The following PLEKHG1 variants were observed in gnomAD, a reference collection of about 807,000 sequenced individuals.
PLEKHG1 encodes the protein pleckstrin homology and RhoGEF domain containing G1, also known as pleckstrin homology domain-containing family G member 1.
Under a neutral mutation model 100.8 loss-of-function variants are expected in PLEKHG1, and 44 were observed. That is an observed-to-expected ratio of 0.44 (90% CI 0.34 to 0.56). PLEKHG1 has a LOEUF of 0.56. Ranked by LOEUF, PLEKHG1 falls within the 20% of genes least tolerant of loss-of-function variation. PLEKHG1 has a pLI of 0.01. For missense variants in PLEKHG1, 1,545 were observed against 1,720.9 expected (o/e 0.90, Z 1.81); for synonymous variants, 640 against 662.5 (o/e 0.97, Z 0.52).
At chr6:150,622,435 C>T (rs2128557705) in intron 1 of PLEKHG1, among the ~76,000 whole-genome samples, 1 of 152,180 alleles carries the variant, frequency 6.6e-6, no homozygotes, top group Middle Eastern at 3.4e-3. Flanking sequence ...TGCCTGTACC[C>T]CATTCCCCAT....
chr6:150,640,249 T>C (rs1247957939), intron 2 of PLEKHG1, among the ~76,000 whole-genome samples: 1 of 152,258 alleles, frequency 6.6e-6, no homozygotes, highest in Non-Finnish European at 1.5e-5. Flanking sequence ...CTCTCCTAAA[T>C]GACTTAATTA....
At chr6:150,623,604 G>A (rs543810932) in intron 1 of PLEKHG1, among the ~76,000 whole-genome samples, 8 of 152,334 alleles carry the variant, frequency 5.3e-5, no homozygotes, top group East Asian at 3.9e-4. Context: ...GCCCTTGCGC[G>A]TACTGCAAAC....
intron 14 of PLEKHG1, chr6:150,827,998 G>C: frequency 1.2e-6 from 2 of 1,612,984 alleles, no homozygotes; most frequent in Non-Finnish European, 1.7e-6. Context: ...GCTGGCGAGG[G>C]CTTGTGGGTC....
rs182914466 is a variant in PLEKHG1, at chr6:150,640,616, C to T, written c.-158+2491C>T. Among the ~76,000 whole-genome samples, 19 of 152,268 alleles carry T rather than the reference C, an allele frequency of 1.2e-4. No homozygotes were observed. In the East Asian group the frequency reaches 2.1e-3, roughly 17 times the overall value. ...AACCCTGCTTGGAATACCCACACCA[C>T]GCTAGCTCTTTCTACTTCCCTCCTC... On this transcript the variant is annotated intron_variant, in intron 2 of 3. Coordinates refer to the PLEKHG1 transcript ENST00000367326.
intron 3 of PLEKHG1, among the ~76,000 whole-genome samples, chr6:150,712,898 G>C (rs568995380): frequency 4.3e-4 from 65 of 152,166 alleles, no homozygotes; most frequent in Non-Finnish European, 6.6e-4. Context: ...TTTAATTGAA[G>C]GACAGTTTGA....
intron 1 of PLEKHG1, among the ~76,000 whole-genome samples, chr6:150,603,080 AAAAAAAAAAAAAAT>A (rs1431863572): frequency 2.2e-5 from 1 of 46,508 alleles, no homozygotes; most frequent in Non-Finnish European, 5.5e-5. Context: ...ACTCCGTCTC[AAAAAAAAAAAAAAT>A]AAAAAAAAAG....
At chr6:150,709,643 A>G (rs1231172170) in intron 3 of PLEKHG1, among the ~76,000 whole-genome samples, 1 of 152,228 alleles carries the variant, frequency 6.6e-6, no homozygotes, top group Admixed American at 6.5e-5. Flanking sequence ...TGCCTTGTCC[A>G]AGAAGATAAA....
rs192110486 is a variant in PLEKHG1 at position 150,734,001 on chromosome 6, C to T, written c.320C>T (p.Thr107Met). ...CCCAAGACGATCGCAGACTCGGCCA[C>T]GAGCCCCAAGCTCCTCTATGTGGAT... is the stretch of plus-strand genomic sequence containing the variant. Residue 107 changes from threonine (T) to methionine (M), a missense_variant, in exon 2 of 16, where the codon ACG (threonine) becomes ATG (methionine). By Grantham distance (81) the Thr-to-Met change is moderately conservative. Transcript: ENST00000358517. 3.8e-5 allele frequency: 61 copies of T among 1,614,124 alleles called. No homozygotes were observed. In the East Asian group the frequency reaches 4.9e-4, roughly 13 times the overall value.
At chr6:150,697,928 T>G (rs1780610873) in intron 3 of PLEKHG1, among the ~76,000 whole-genome samples, 1 of 5,914 alleles carries the variant, frequency 1.7e-4, no homozygotes, top group South Asian at 2.6e-3. Context: ...CAGTGGTGTT[T>G]TTTTTTTTTT....
chr6:150,813,472 G>T (rs960405470), intron 10 of PLEKHG1, among the ~76,000 whole-genome samples: 8 of 151,848 alleles, frequency 5.3e-5, no homozygotes, highest in Non-Finnish European at 1.5e-5. Context: ...GGTGTGTGTG[G>T]GTTCCTCCAG....
intron 3 of PLEKHG1, among the ~76,000 whole-genome samples, chr6:150,699,047 G>A (rs9383837): frequency 0.36 from 54,982 of 152,008 alleles, 10,610 homozygotes; most frequent in Middle Eastern, 0.45. Context: ...ACGTCTTCAC[G>A]ACCGAAATAT....
intron 1 of PLEKHG1, among the ~76,000 whole-genome samples, chr6:150,728,559 G>T (rs373638780): frequency 2.7e-5 from 4 of 150,360 alleles, no homozygotes; most frequent in African/African-American, 9.8e-5. Context: ...CTGGGTGACA[G>T]AGTGAGACCC....
intron 3 of PLEKHG1, among the ~76,000 whole-genome samples, chr6:150,782,867 T>C (rs944261217): frequency 1.3e-5 from 2 of 152,048 alleles, no homozygotes; most frequent in African/African-American, 4.8e-5. Flanking sequence ...CATTTTCAAA[T>C]ATGAAAGGAC....
chr6:150,634,638 AG>A (rs1487585664), intron 1 of PLEKHG1, among the ~76,000 whole-genome samples: 4 of 152,248 alleles, frequency 2.6e-5, no homozygotes, highest in African/African-American at 9.6e-5. Context: ...CCATTATTAG[AG>A]CCAATGGTTT....
At position 150,822,718 on chromosome 6, in the gene PLEKHG1, G is replaced by A. The variant is rs185618827; in HGVS notation, c.1448-936G>A. 7.0e-4 allele frequency among the ~76,000 whole-genome samples: 107 copies of A among 152,306 alleles called. 1 individual carries two copies. The highest frequency in any genetic ancestry group is 2.6e-3 in the African/African-American group (106 of 41,558). ...AAACAGGCTGGGCGTGGTGGCTCAC[G>A]CCTGTAATACCAACACTTTGGGAGG... On this transcript the variant is annotated intron_variant, in intron 13 of 15. Transcript: ENST00000358517.
intron 15 of PLEKHG1, 55 bp from the exon 17 acceptor site, chr6:150,839,778 T>A: frequency 2.8e-6 from 3 of 1,084,976 alleles, no homozygotes; most frequent in Admixed American, 2.1e-5. Flanking sequence ...ATTTTTAATC[T>A]TCACGTATAG....
chr6:150,837,060 G>A (rs1777263672), intron 15 of PLEKHG1, among the ~76,000 whole-genome samples: 1 of 152,144 alleles, frequency 6.6e-6, no homozygotes, highest in Non-Finnish European at 1.5e-5. Flanking sequence ...TACTAGGAAG[G>A]CTGAGGCAGG....
intron 3 of PLEKHG1, among the ~76,000 whole-genome samples, chr6:150,716,021 T>G (rs1429539808): frequency 6.8e-6 from 1 of 146,240 alleles, no homozygotes; most frequent in African/African-American, 2.5e-5. Flanking sequence ...GGCAGGAGAA[T>G]GGCGTGAACC....
intron 2 of PLEKHG1, among the ~76,000 whole-genome samples, chr6:150,763,694 G>C (rs988387388): frequency 1.4e-4 from 21 of 152,198 alleles, no homozygotes; most frequent in Non-Finnish European, 2.8e-4. Flanking sequence ...TCAGAGGAGA[G>C]AAGCCAATGG....
Sources: allele counts gnomAD v4.1 joint callset (sites outside exome capture counted in the v4.1 genomes callset), GRCh38; gene constraint gnomAD v4.1.1; transcripts MANE v1.5; gene names NCBI Gene and HGNC (gene_info 2026-07-23, HGNC 2026-07-21).